Variants in TCF4 observed in about 807,000 individuals in gnomAD.
TCF4 encodes transcription factor 4, also known as SL3-3 enhancer factor 2.
In TCF4, 3 loss-of-function variants were observed where a neutral mutation model predicts 82.1. The observed-to-expected ratio is 0.04, with a 90% confidence interval of 0.02 to 0.09. The LOEUF is 0.09. Among genes scored for constraint, TCF4 ranks in the 10% least tolerant of loss-of-function variants. The pLI is 1.00. For synonymous variants in TCF4, 276 were observed against 309.6 expected (o/e 0.89, Z 1.14); for missense variants, 518 against 852.7 (o/e 0.61, Z 4.89).
chr18:55,258,178 G>T (rs1405224903), intron 13 of TCF4, among the ~76,000 whole-genome samples: 2 of 151,946 alleles, frequency 1.3e-5, no homozygotes, highest in Non-Finnish European at 2.9e-5. Flanking sequence ...GTCTTTTCTG[G>T]GTGTGCATGT....
Position 55,505,587 on chromosome 18 carries a change from G to C in TCF4, c.146-41450C>G, listed in dbSNP as rs1043433158. On this transcript the variant is annotated intron_variant, in intron 3 of 19. Coordinates refer to ENST00000354452, the MANE Select transcript of TCF4 (RefSeq NM_001083962.2). ...TGGAAGGCCGAGGCGGGCGGATCAC[G>C]AGGTCAGGAGATCGAGACCATCCCG... Among the ~76,000 whole-genome samples the C allele has an allele frequency of 6.6e-5, 10 of 151,790 alleles. No individual in the cohort carries two copies. In the East Asian group the frequency reaches 1.6e-3, roughly 24 times the overall value.
At chr18:55,537,135 G>GA (rs80209921) in intron 3 of TCF4, among the ~76,000 whole-genome samples, 246 of 85,424 alleles carry the variant, frequency 2.9e-3, no homozygotes, top group Admixed American at 3.6e-3. Flanking sequence ...CTCCGTCTCG[G>GA]AAAAAAAAAA....
chr18:55,585,035 G>A (rs561753404), intron 3 of TCF4, among the ~76,000 whole-genome samples: 1 of 152,094 alleles, frequency 6.6e-6, no homozygotes, highest in Admixed American at 6.5e-5. Flanking sequence ...TTAGAAAATT[G>A]CTCTTAAATT....
chr18:55,332,064 CTGTT>C (rs1354591350), intron 8 of TCF4: 1 of 152,154 alleles, frequency 6.6e-6, no homozygotes, highest in Non-Finnish European at 1.5e-5. Context: ...ATGCAGACTT[CTGTT>C]TGTTTCAAAT....
intron 8 of TCF4, chr18:55,302,605 T>G (rs558566914): frequency 2.0e-5 from 31 of 1,527,654 alleles, no homozygotes; most frequent in Middle Eastern, 3.4e-4. Flanking sequence ...AGAGGGAACT[T>G]CATGCTGGAT....
At chr18:55,357,222 T>G (rs1011706808) in intron 6 of TCF4, among the ~76,000 whole-genome samples, 1 of 152,212 alleles carries the variant, frequency 6.6e-6, no homozygotes, top group Non-Finnish European at 1.5e-5. Context: ...TCATCTATTA[T>G]ATATTAAAAG....
intron 8 of TCF4, among the ~76,000 whole-genome samples, chr18:55,281,897 T>G (rs1371954914): frequency 1.3e-5 from 2 of 151,978 alleles, no homozygotes; most frequent in Non-Finnish European, 2.9e-5. Context: ...GAGAAGAGTA[T>G]CTATGGAATT....
At chr18:55,307,343 C>G (rs761612604) in intron 8 of TCF4, among the ~76,000 whole-genome samples, 1 of 152,044 alleles carries the variant, frequency 6.6e-6, no homozygotes, top group African/African-American at 2.4e-5. Context: ...AAAGTAAACC[C>G]AAACGTCAAT....
At chr18:55,534,693 T>C (rs2097100053) in intron 3 of TCF4, among the ~76,000 whole-genome samples, 1 of 152,164 alleles carries the variant, frequency 6.6e-6, no homozygotes, top group South Asian at 2.1e-4. Context: ...AAACTGAAAA[T>C]TCAGCTTAAA....
intron 8 of TCF4, among the ~76,000 whole-genome samples, chr18:55,339,552 G>C (rs1348211748): frequency 6.6e-6 from 1 of 152,112 alleles, no homozygotes; most frequent in African/African-American, 2.4e-5. Flanking sequence ...AAGAAGTTCA[G>C]GGCTCATCAG....
In TCF4 at chr18:55,475,107, C is replaced by A. The variant is rs549068525; in HGVS notation, c.146-10970G>T. On this transcript the variant is annotated intron_variant, in intron 3 of 19. Coordinates refer to ENST00000354452, the MANE Select transcript of TCF4 (RefSeq NM_001083962.2). ...TATACTGTGGGTACTTAGATCCAAT[C>A]CATAATCCATATTCCAATAGGGAAC... Among the ~76,000 whole-genome samples the A allele has an allele frequency of 7.7e-4, 117 of 152,286 alleles. No individual in the cohort carries two copies. The South Asian group carries it at 0.022, about 29-fold the overall frequency.
At chr18:55,619,480 T>C (rs192880222) in intron 2 of TCF4, among the ~76,000 whole-genome samples, 485 of 152,326 alleles carry the variant, frequency 3.2e-3, no homozygotes, top group Admixed American at 7.7e-3. Flanking sequence ...TTCAAGTTCA[T>C]AAATCTTTTC....
intron 2 of TCF4, among the ~76,000 whole-genome samples, chr18:55,618,460 T>G (rs1382366043): frequency 1.3e-5 from 2 of 152,200 alleles, no homozygotes; most frequent in Non-Finnish European, 2.9e-5. Flanking sequence ...CTCTTTAATT[T>G]CTGACTTTAT....
At chr18:55,257,641 T>G (rs939560337) in intron 13 of TCF4, 1 of 559,404 alleles carries the variant, frequency 1.8e-6, no homozygotes, top group East Asian at 3.0e-5. Flanking sequence ...AACATTTAAT[T>G]GATTCTGAAT....
chr18:55,422,221 A>G, intron 5 of TCF4: 2 of 984,812 alleles, frequency 2.0e-6, no homozygotes, highest in Non-Finnish European at 2.4e-6. Flanking sequence ...GGGAGGCACC[A>G]GAAGATCTAA....
intron 2 of TCF4, chr18:55,586,161 GC>G (rs1568465726): frequency 1.8e-4 from 45 of 247,358 alleles, no homozygotes; most frequent in South Asian, 1.6e-3. Context: ...AGGAGCAGCA[GC>G]AGCAGCAGCA....
At chr18:55,546,141 G>A (rs957348630) in intron 3 of TCF4, among the ~76,000 whole-genome samples, 1 of 152,074 alleles carries the variant, frequency 6.6e-6, no homozygotes. Flanking sequence ...TAAGAGACCA[G>A]CCTCCGTAAC....
At chr18:55,299,484 T>A (rs2146889265) in intron 8 of TCF4, among the ~76,000 whole-genome samples, 1 of 151,510 alleles carries the variant, frequency 6.6e-6, no homozygotes, top group African/African-American at 2.4e-5. Flanking sequence ...CTGGTTTGCT[T>A]GTTTTCAGTT....
intron 3 of TCF4, among the ~76,000 whole-genome samples, chr18:55,524,175 T>A (rs572851876): frequency 1.3e-5 from 2 of 152,236 alleles, no homozygotes; most frequent in African/African-American, 4.8e-5. Context: ...GTTCTCTTTA[T>A]AAAATATGTA....
Sources: gnomAD v4.1 joint callset for allele counts (sites outside exome capture counted in the v4.1 genomes callset) on GRCh38, gnomAD v4.1.1 for gene constraint, MANE v1.5 for transcripts, NCBI Gene and HGNC (gene_info 2026-07-23, HGNC 2026-07-21) for gene names.